Variants in ARHGAP26 observed in about 807,000 individuals in gnomAD.
ARHGAP26 encodes the protein Rho GTPase activating protein 26.
A neutral mutation model predicts 104.8 loss-of-function variants in ARHGAP26; 38 were observed. That is an observed-to-expected ratio of 0.36 (90% CI 0.28 to 0.48). The LOEUF (loss-of-function observed/expected upper bound fraction) is 0.48, where lower values mean the gene tolerates loss of function less well. Among genes scored for constraint, ARHGAP26 ranks in the 20% least tolerant of loss-of-function variants. The pLI is 0.99. For synonymous variants in ARHGAP26, 341 were observed against 340.0 expected (o/e 1.00, Z -0.03); for missense variants, 704 against 947.9 (o/e 0.74, Z 3.38).
At chr5:142,824,270 T>C (rs1381898908) in intron 1 of ARHGAP26, among the ~76,000 whole-genome samples, 2 of 152,186 alleles carry the variant, frequency 1.3e-5, no homozygotes, top group Admixed American at 6.5e-5. Context: ...GCTCTGCTAG[T>C]TGCTCTTGCA....
rs556451192 is a variant in ARHGAP26, at chr5:143,048,730, A to G, written c.1286-5709A>G. Among the ~76,000 whole-genome samples the G allele has an allele frequency of 1.1e-4, 17 of 151,666 alleles. No individual in the cohort carries two copies. In the South Asian group the frequency reaches 2.3e-3, roughly 21 times the overall value. ...GGAGTTCGAGACCAGCTTGGCCAAC[A>G]TGGTGAAACCCCATCTCTACTAAAA... is the stretch of plus-strand genomic sequence containing the variant. On this transcript the variant is annotated intron_variant, in intron 14 of 22. Coordinates refer to ENST00000645722, the MANE Select transcript of ARHGAP26 (RefSeq NM_001135608.3).
At position 142,847,380 on chromosome 5, in the gene ARHGAP26, G is replaced by A. The variant is rs544667364; in HGVS notation, c.155-26020G>A. 4.0e-5 allele frequency among the ~76,000 whole-genome samples: 6 copies of A among 151,226 alleles called. No homozygotes were observed. The East Asian group carries it at 5.8e-4, about 15-fold the overall frequency. On this transcript the variant is annotated intron_variant, in intron 1 of 22. Coordinates refer to ENST00000645722, the MANE Select transcript of ARHGAP26 (RefSeq NM_001135608.3). The stretch of plus-strand genomic sequence containing the variant: ...GAGATGTCTTTTTTTTTTTTGAGAC[G>A]GAGTTTTGCTCTTGTTGCCCGGGCT...
chr5:142,806,472 AAT>A (rs1763000733), intron 1 of ARHGAP26, among the ~76,000 whole-genome samples: 1 of 73,516 alleles, frequency 1.4e-5, no homozygotes, highest in South Asian at 5.7e-4. Context: ...TAGGCAATGA[AAT>A]GTGTGTGTGT....
Position 143,224,293 on chromosome 5 carries a change from C to T in ARHGAP26, c.*1847C>T, listed in dbSNP as rs905250989. 11 of 231,784 alleles carry T rather than the reference C, an allele frequency of 4.7e-5. No homozygotes were observed. The highest frequency in any genetic ancestry group is 3.6e-4 in the South Asian group (2 of 5,516). 14.4% of individuals were successfully genotyped at this position (231,784 alleles called of 1,614,324 possible). ...AGAGTCAAGGTCACTGTCCCCGCTT[C>T]GGCCTGAAGGAAAGAGAAGACATTT... On this transcript the variant is annotated 3_prime_UTR_variant, in exon 23 of 23. Coordinates refer to ENST00000645722, the MANE Select transcript of ARHGAP26 (RefSeq NM_001135608.3).
intron 17 of ARHGAP26, among the ~76,000 whole-genome samples, chr5:143,080,579 C>T (rs757403263): frequency 1.2e-4 from 18 of 152,194 alleles, no homozygotes; most frequent in Non-Finnish European, 2.4e-4. Context: ...AGTGCAAAAA[C>T]CCTGGGAAAG....
chr5:142,787,628 C>G (rs1484489553), intron 1 of ARHGAP26, among the ~76,000 whole-genome samples: 1 of 152,142 alleles, frequency 6.6e-6, no homozygotes. Context: ...TCTGCCTTCT[C>G]CTGACTTTCT....
At chr5:142,895,100 G>A (rs994040268) in intron 6 of ARHGAP26, among the ~76,000 whole-genome samples, 1 of 152,186 alleles carries the variant, frequency 6.6e-6, no homozygotes, top group Non-Finnish European at 1.5e-5. Context: ...AATAGTATAT[G>A]GACCTCAATT....
intron 18 of ARHGAP26, among the ~76,000 whole-genome samples, chr5:143,124,785 T>A (rs1362340968): frequency 6.6e-6 from 1 of 152,196 alleles, no homozygotes; most frequent in East Asian, 1.9e-4. Flanking sequence ...GGAGGAGCAG[T>A]GTGTGCACAC....
In ARHGAP26 at chr5:143,014,083, T is replaced by C. The variant is rs754297763; in HGVS notation, c.1111T>C (p.Tyr371His). Residue 371 changes from tyrosine (Y) to histidine (H), a missense_variant, in exon 12 of 23, where the codon TAC becomes CAC. This residue lies in a region of ARHGAP26 where 287 missense variants were observed against 438.8 expected (regional missense o/e 0.65). Transcript: ENST00000645722. ...MEAMDGREPV[Y>H]NSNKDSQSEG... ...AATTTTTATTTTTATTTTCCAGGTCTACAACTCGAACAAAGACAGCCAGAG... is the reference window on the plus strand; with the variant it reads ...AATTTTTATTTTTATTTTCCAGGTCCACAACTCGAACAAAGACAGCCAGAG... 2.5e-6 allele frequency: 4 copies of C among 1,614,222 alleles called. No individual in the cohort carries two copies. Among genetic ancestry groups the C allele is most frequent in the Non-Finnish European group, 3.4e-6 (4 of 1,180,018 alleles).
intron 1 of ARHGAP26, among the ~76,000 whole-genome samples, chr5:142,782,022 G>A (rs554553254): frequency 3.9e-5 from 6 of 152,106 alleles, no homozygotes; most frequent in South Asian, 4.1e-4. Context: ...GCCGATTCAT[G>A]GTGTTTTTGA....
At chr5:143,111,767 C>T (rs189125327) in intron 17 of ARHGAP26, among the ~76,000 whole-genome samples, 2 of 152,136 alleles carry the variant, frequency 1.3e-5, no homozygotes, top group African/African-American at 4.8e-5. Context: ...ATTATTAGAC[C>T]TCGTAAATAT....
chr5:143,213,849 C>T (rs540879432), intron 21 of ARHGAP26, 148 bp from the exon 22 acceptor site: 1 of 463,070 alleles, frequency 2.2e-6, no homozygotes, highest in South Asian at 4.0e-5. Context: ...TTTCCCACCT[C>T]ATGTCTTGCC....
intron 1 of ARHGAP26, among the ~76,000 whole-genome samples, chr5:142,840,600 T>C (rs2152184440): frequency 6.6e-6 from 1 of 152,242 alleles, no homozygotes; most frequent in South Asian, 2.1e-4. Context: ...CCTAGGTAAA[T>C]GAATGGGGAG....
intron 11 of ARHGAP26, among the ~76,000 whole-genome samples, chr5:142,998,300 C>T (rs1167275543): frequency 6.6e-6 from 1 of 151,954 alleles, no homozygotes; most frequent in Non-Finnish European, 1.5e-5. Flanking sequence ...AGTAGTAGGG[C>T]CAAGGAGAGG....
intron 1 of ARHGAP26, among the ~76,000 whole-genome samples, chr5:142,811,842 C>T (rs927684012): frequency 6.6e-6 from 1 of 152,206 alleles, no homozygotes; most frequent in African/African-American, 2.4e-5. Context: ...TCCGTTCCTG[C>T]TCTGGCTTCA....
intron 11 of ARHGAP26, among the ~76,000 whole-genome samples, chr5:142,947,590 G>C: frequency 6.6e-6 from 1 of 152,138 alleles, no homozygotes; most frequent in East Asian, 1.9e-4. Context: ...TTTTGTTAGG[G>C]TGCTTAGTAG....
intron 1 of ARHGAP26, among the ~76,000 whole-genome samples, chr5:142,824,735 T>G (rs1268710239): frequency 6.6e-6 from 1 of 152,134 alleles, no homozygotes; most frequent in Non-Finnish European, 1.5e-5. Context: ...ATATAGGGAA[T>G]GAGAGATCCA....
At chr5:142,901,549 G>A (rs976757777) in intron 6 of ARHGAP26, among the ~76,000 whole-genome samples, 1 of 152,194 alleles carries the variant, frequency 6.6e-6, no homozygotes, top group East Asian at 1.9e-4. Context: ...CAGAACCCTG[G>A]TCTTTGGTTT....
chr5:143,217,813 C>T (rs913911902), intron 22 of ARHGAP26, among the ~76,000 whole-genome samples: 2 of 152,244 alleles, frequency 1.3e-5, no homozygotes, highest in Admixed American at 6.5e-5. Context: ...GGCTTCCACT[C>T]TTGCTCCCAG....
Sources: gnomAD v4.1 joint callset for allele counts (sites outside exome capture counted in the v4.1 genomes callset) on GRCh38, gnomAD v4.1.1 for gene constraint, gnomAD v4.1.1 regional missense constraint, MANE v1.5 for transcripts, NCBI Gene and HGNC (gene_info 2026-07-23, HGNC 2026-07-21) for gene names.